The following LARGE1 variants were observed in gnomAD, a reference collection of about 807,000 sequenced individuals.
The protein encoded by LARGE1 is xylosyl- and glucuronyltransferase LARGE1.
LARGE1 carries 43 observed loss-of-function variants against 87.6 expected under a neutral mutation model. That is an observed-to-expected ratio of 0.49 (90% CI 0.38 to 0.63). LARGE1 has a LOEUF of 0.63. Ranked by LOEUF, LARGE1 falls within the 30% of genes least tolerant of loss-of-function variation. The pLI is 0.00. For synonymous variants in LARGE1, 434 were observed against 394.6 expected, an observed-to-expected ratio of 1.10 and a Z score of -1.18; for missense variants, 802 against 1,000.2, an observed-to-expected ratio of 0.80 and a Z score of 2.67.
chr22:33,263,235 CTG>C (rs1316271567), intron 11 of LARGE1, among the ~76,000 whole-genome samples: 1 of 152,206 alleles, frequency 6.6e-6, no homozygotes, highest in Non-Finnish European at 1.5e-5. Context: ...GAATTCCTCT[CTG>C]TGTCAGACTT....
At chr22:33,667,292 A>G (rs1186022212) in intron 2 of LARGE1, among the ~76,000 whole-genome samples, 1 of 152,138 alleles carries the variant, frequency 6.6e-6, no homozygotes, top group African/African-American at 2.4e-5. Flanking sequence ...GCCCCAAACA[A>G]CAAGCCAGAA....
intron 6 of LARGE1, among the ~76,000 whole-genome samples, chr22:33,458,501 G>A (rs1011063363): frequency 1.3e-5 from 2 of 151,614 alleles, no homozygotes; most frequent in Non-Finnish European, 2.9e-5. Context: ...GCGTGATCTC[G>A]GCTCACCACA....
intron 1 of LARGE1, among the ~76,000 whole-genome samples, chr22:33,831,880 C>G (rs769242509): frequency 3.3e-5 from 5 of 152,172 alleles, no homozygotes; most frequent in African/African-American, 1.2e-4. Flanking sequence ...GGCGTAATCC[C>G]GAGGCAACCA....
At chr22:33,922,452 G>T (rs898763190), upstream of LARGE1, 1 of 152,248 alleles carries the variant, frequency 6.6e-6, no homozygotes, top group African/African-American at 2.4e-5. Flanking sequence ...CGCCCGCTTT[G>T]CCCCGGCTCC....
chr22:33,799,312 G>C (rs138442101), intron 1 of LARGE1, among the ~76,000 whole-genome samples: 63 of 152,270 alleles, frequency 4.1e-4, no homozygotes, highest in African/African-American at 1.5e-3. Context: ...AGCATTTCTG[G>C]AGCCGGGCTA....
At chr22:33,511,794 G>A (rs935599137) in intron 6 of LARGE1, among the ~76,000 whole-genome samples, 1 of 152,164 alleles carries the variant, frequency 6.6e-6, no homozygotes, top group Admixed American at 6.5e-5. Context: ...TCCACGAAAC[G>A]AAATGTCATT....
chr22:33,255,025 C>A (rs932520040), intron 11 of LARGE1, among the ~76,000 whole-genome samples: 1 of 151,598 alleles, frequency 6.6e-6, no homozygotes, highest in Non-Finnish European at 1.5e-5. Context: ...GCAACCTCCG[C>A]CCCCCAGGTT....
At chr22:33,716,560 C>A (rs2082912898) in intron 2 of LARGE1, among the ~76,000 whole-genome samples, 1 of 152,166 alleles carries the variant, frequency 6.6e-6, no homozygotes, top group Admixed American at 6.5e-5. Flanking sequence ...CCACACCCAG[C>A]TAACTTACAT....
At chr22:33,476,082 CA>C (rs2069065170) in intron 6 of LARGE1, among the ~76,000 whole-genome samples, 1 of 152,222 alleles carries the variant, frequency 6.6e-6, no homozygotes, top group South Asian at 2.1e-4. Context: ...AATTTGGCCA[CA>C]AGGAAATTCC....
rs118187983 is a variant in LARGE1, at chr22:33,759,485, T to C, written c.106+1886A>G. ...TCATCCCCCCCATCTGTAAAACAGG[T>C]GTATTAAACGCACCTGGCACAAAGA... On this transcript the variant is annotated intron_variant, in intron 2 of 14. Transcript: ENST00000397394. Among the ~76,000 whole-genome samples, 1,114 of 152,180 alleles carry C rather than the reference T, an allele frequency of 7.3e-3. 38 individuals carry two copies. Among genetic ancestry groups the C allele is most frequent in the Admixed American group, 0.061 (926 of 15,276 alleles).
At chr22:33,762,680 G>A (rs2084776101) in intron 1 of LARGE1, among the ~76,000 whole-genome samples, 1 of 152,218 alleles carries the variant, frequency 6.6e-6, no homozygotes, top group South Asian at 2.1e-4. Context: ...CACGGCAGAA[G>A]ACTGGCCGTG....
At chr22:33,243,423 C>T (rs893270423) in intron 11 of LARGE1, among the ~76,000 whole-genome samples, 5 of 152,176 alleles carry the variant, frequency 3.3e-5, no homozygotes, top group African/African-American at 7.2e-5. Flanking sequence ...ATTCTGACAA[C>T]CACTTATTTG....
intron 3 of LARGE1, among the ~76,000 whole-genome samples, chr22:33,647,881 C>T (rs991554164): frequency 6.6e-6 from 1 of 152,078 alleles, no homozygotes; most frequent in Non-Finnish European, 1.5e-5. Flanking sequence ...CCTCAGCCTC[C>T]CAAGTAGCTG....
intron 2 of LARGE1, among the ~76,000 whole-genome samples, chr22:33,713,982 G>A (rs2023381): frequency 0.16 from 19,578 of 125,880 alleles, 1,480 homozygotes; most frequent in East Asian, 0.24. Flanking sequence ...GTAACATAAC[G>A]TAACATAACA....
chr22:33,256,571 C>T (rs1331161879), intron 11 of LARGE1, among the ~76,000 whole-genome samples: 1 of 152,148 alleles, frequency 6.6e-6, no homozygotes, highest in Non-Finnish European at 1.5e-5. Context: ...TTGCCATGAC[C>T]TGAATATGCC....
At chr22:33,655,160 T>G (rs1023964430) in intron 2 of LARGE1, among the ~76,000 whole-genome samples, 2 of 152,108 alleles carry the variant, frequency 1.3e-5, no homozygotes, top group Non-Finnish European at 2.9e-5. Context: ...CAAACATCAT[T>G]TTGGGTGTTT....
In LARGE1 at chr22:33,363,997, C is replaced by T. The variant is rs570503015; in HGVS notation, c.1131+17922G>A. ...GCCCTCAGGGATGACCCAAGAACAC[C>T]GTCTGTCCCACCAGGCCAATCTGGG... On this transcript the variant is annotated intron_variant, in intron 9 of 14. Coordinates refer to ENST00000397394, the MANE Select transcript of LARGE1 (RefSeq NM_133642.5). Among the ~76,000 whole-genome samples, 10 of 149,648 alleles carry T rather than the reference C, an allele frequency of 6.7e-5. 2 individuals are homozygous for T. The South Asian group carries it at 1.3e-3, about 20-fold the overall frequency.
At chr22:33,344,441 T>C (rs1939511621) in intron 9 of LARGE1, among the ~76,000 whole-genome samples, 1 of 152,092 alleles carries the variant, frequency 6.6e-6, no homozygotes, top group South Asian at 2.1e-4. Context: ...ATAACGTGCA[T>C]TTAAAGAGGC....
At chr22:33,582,624 G>A (rs1310522531) in intron 5 of LARGE1, among the ~76,000 whole-genome samples, 4 of 152,180 alleles carry the variant, frequency 2.6e-5, no homozygotes, top group South Asian at 2.1e-4. Context: ...GAGGGATTAC[G>A]CCTTTCCACT....
Sources: gnomAD v4.1 joint callset for allele counts (sites outside exome capture counted in the v4.1 genomes callset) on GRCh38, gnomAD v4.1.1 for gene constraint, MANE v1.5 for transcripts, NCBI Gene and HGNC (gene_info 2026-07-23, HGNC 2026-07-21) for gene names.